KIAA0825: variants seen among roughly 807,000 people sequenced by gnomAD.
The protein encoded by KIAA0825 is KIAA0825.
Under a neutral mutation model 147.6 loss-of-function variants are expected in KIAA0825, and 119 were observed. The observed-to-expected ratio is 0.81, with a 90% CI of 0.69 to 0.94. The LOEUF is 0.94. Among genes scored for constraint, KIAA0825 ranks in the 40% least tolerant of loss-of-function variants. The pLI, the probability that KIAA0825 is intolerant of heterozygous loss-of-function variation, is 0.00. For synonymous variants in KIAA0825, 470 were observed against 518.1 expected (o/e 0.91, Z 1.26); for missense variants, 1,381 against 1,472.7 (o/e 0.94, Z 1.02).
At chr5:94,490,225 C>T (rs554381464) in intron 5 of KIAA0825, among the ~76,000 whole-genome samples, 3 of 152,028 alleles carry the variant, frequency 2.0e-5, no homozygotes, top group Non-Finnish European at 4.4e-5. Flanking sequence ...TAATCTCATA[C>T]AAAGTAGGTA....
intron 2 of KIAA0825, among the ~76,000 whole-genome samples, chr5:94,545,436 C>G (rs1278446386): frequency 6.6e-6 from 1 of 152,160 alleles, no homozygotes; most frequent in African/African-American, 2.4e-5. Flanking sequence ...CAGCTCACAG[C>G]TGCAAAAGAT....
intron 20 of KIAA0825, among the ~76,000 whole-genome samples, chr5:94,320,557 G>A (rs1780073684): frequency 1.3e-5 from 2 of 150,586 alleles, no homozygotes; most frequent in Non-Finnish European, 3.0e-5. Flanking sequence ...ACGCCTCCTT[G>A]ACATCAACAT....
At chr5:94,384,695 T>A (rs1748907122) in intron 19 of KIAA0825, among the ~76,000 whole-genome samples, 1 of 152,204 alleles carries the variant, frequency 6.6e-6, no homozygotes, top group African/African-American at 2.4e-5. Flanking sequence ...TATAAATCAA[T>A]TTATTGAGTC....
At chr5:94,479,747 C>A (rs115281625) in intron 6 of KIAA0825, among the ~76,000 whole-genome samples, 1 of 152,090 alleles carries the variant, frequency 6.6e-6, no homozygotes, top group Non-Finnish European at 1.5e-5. Context: ...ACATCCTTGC[C>A]AGAATTTGGT....
At chr5:94,156,110 A>G (rs1767009827) in intron 20 of KIAA0825, among the ~76,000 whole-genome samples, 1 of 152,218 alleles carries the variant, frequency 6.6e-6, no homozygotes. Context: ...CACTCTTTAA[A>G]TTCTCAATTT....
chr5:94,386,307 T>C lies in KIAA0825; in HGVS notation c.3554A>G (p.Gln1185Arg), dbSNP rs2150533987. 1 of 1,551,600 alleles carries C rather than the reference T, an allele frequency of 6.4e-7. No homozygotes were observed. The change falls in exon 19 of 21, where the codon CAG becomes CGG. Residue 1185 changes from glutamine to arginine, a missense_variant. Coordinates refer to ENST00000682413, the MANE Select transcript of KIAA0825 (RefSeq NM_001145678.3). ...ATGGAAAGGGTTAAAGGCAGAAGGC[T>C]GATCTTCTATACTCCTCAAGGTCGT... ...LKTTLRSIED[Q>R]PSAFNPFHVY...
At chr5:94,335,405 G>C (rs758429720) in intron 20 of KIAA0825, among the ~76,000 whole-genome samples, 2 of 151,994 alleles carry the variant, frequency 1.3e-5, no homozygotes, top group Non-Finnish European at 2.9e-5. Flanking sequence ...AGTGTACCAA[G>C]TGATCTTGGA....
chr5:94,190,024 T>G (rs2149997996), intron 20 of KIAA0825, among the ~76,000 whole-genome samples: 1 of 152,364 alleles, frequency 6.6e-6, no homozygotes, highest in Middle Eastern at 3.4e-3. Flanking sequence ...GTTATTTTTA[T>G]TCTTGAATAT....
intron 13 of KIAA0825, among the ~76,000 whole-genome samples, chr5:94,443,953 C>T (rs944477995): frequency 3.9e-5 from 6 of 152,124 alleles, no homozygotes; most frequent in African/African-American, 1.4e-4. Flanking sequence ...TTGGAATGGA[C>T]TCCAAAATTC....
chr5:94,391,275 T>C (rs1381210862), intron 18 of KIAA0825, among the ~76,000 whole-genome samples: 1 of 152,218 alleles, frequency 6.6e-6, no homozygotes, highest in Admixed American at 6.5e-5. Flanking sequence ...CTCTAGTCTC[T>C]ACAATTCAGA....
chr5:94,330,292 T>C (rs1781138633), intron 20 of KIAA0825, among the ~76,000 whole-genome samples: 1 of 152,174 alleles, frequency 6.6e-6, no homozygotes, highest in Admixed American at 6.5e-5. Flanking sequence ...TCATTTCAAG[T>C]GCACATATAA....
rs779104903 is a variant in KIAA0825 at position 94,396,348 on chromosome 5, T to G, written c.3049A>C (p.Asn1017His). The part of the protein sequence containing the change: ...ELKKAGLLVW[N>H]LIVIICRIFE... ...ATCCGACATATAATTACAATCAAGT[T>G]CCAGACAAGCAGGCCAGCTTTCTTC... The change falls in exon 17 of 21, where the codon AAC (asparagine) becomes CAC (histidine). Residue 1017 changes from asparagine (N) to histidine (H), a missense_variant. Transcript: ENST00000682413. 7.7e-6 allele frequency: 12 copies of G among 1,550,808 alleles called. No individual in the cohort carries two copies. Among genetic ancestry groups the G allele is most frequent in the South Asian group, 3.6e-5 (3 of 83,872 alleles).
At chr5:94,369,149 C>T (rs1746297700) in intron 20 of KIAA0825, among the ~76,000 whole-genome samples, 1 of 151,476 alleles carries the variant, frequency 6.6e-6, no homozygotes, top group African/African-American at 2.4e-5. Context: ...CAGAGTGAGA[C>T]CTAGACAAAT....
chr5:94,545,248 C>T (rs1774124026), intron 2 of KIAA0825, among the ~76,000 whole-genome samples: 1 of 152,092 alleles, frequency 6.6e-6, no homozygotes, highest in South Asian at 2.1e-4. Flanking sequence ...GGCTGCGGTG[C>T]TCTGGGGTCA....
rs570360182 is a variant in KIAA0825 at position 94,290,638 on chromosome 5, G to A, written c.3710+93730C>T. Among the ~76,000 whole-genome samples the A allele has an allele frequency of 7.9e-5, 12 of 152,140 alleles. No homozygotes were observed. The South Asian group carries it at 2.3e-3, about 29-fold the overall frequency. On this transcript the variant is annotated intron_variant, in intron 20 of 20. Coordinates refer to ENST00000682413, the MANE Select transcript of KIAA0825 (RefSeq NM_001145678.3). ...TAATAGAATGATTTATAATCCTTTG[G>A]GTATATACCCAGTAATGGAATTGCT...
intron 20 of KIAA0825, among the ~76,000 whole-genome samples, chr5:94,305,906 A>G (rs1778699901): frequency 6.6e-6 from 1 of 151,928 alleles, no homozygotes; most frequent in African/African-American, 2.4e-5. Context: ...TTTTAATGTT[A>G]ATAAGTGATA....
At chr5:94,589,900 G>T (rs575972625) in intron 1 of KIAA0825, among the ~76,000 whole-genome samples, 7 of 151,324 alleles carry the variant, frequency 4.6e-5, no homozygotes, top group African/African-American at 1.7e-4. Flanking sequence ...AGAAATAGAT[G>T]GCTATTTTGT....
chr5:94,448,844 T>C (rs975356146), intron 13 of KIAA0825, among the ~76,000 whole-genome samples: 3 of 152,300 alleles, frequency 2.0e-5, no homozygotes, highest in South Asian at 2.1e-4. Context: ...GGAATCCCCA[T>C]TGTAATGTCT....
chr5:94,273,654 A>T (rs1338329071), intron 20 of KIAA0825, among the ~76,000 whole-genome samples: 1 of 152,166 alleles, frequency 6.6e-6, no homozygotes, highest in East Asian at 1.9e-4. Context: ...TATGTCCTAC[A>T]GCTCAGCGAA....
Sources: allele counts gnomAD v4.1 joint callset (sites outside exome capture counted in the v4.1 genomes callset), GRCh38; gene constraint gnomAD v4.1.1; transcripts MANE v1.5; gene names NCBI Gene and HGNC (gene_info 2026-07-23, HGNC 2026-07-21).